The following ADAMTSL1 variants were observed in gnomAD, a reference collection of about 807,000 sequenced individuals.
The protein encoded by ADAMTSL1 is ADAMTS-like protein 1.
ADAMTSL1 carries 126 observed loss-of-function variants against 201.8 expected under a neutral mutation model. That is an observed-to-expected ratio of 0.62 (90% CI 0.54 to 0.72). The LOEUF (loss-of-function observed/expected upper bound fraction) is 0.72, where lower values mean the gene tolerates loss of function less well. Among genes scored for constraint, ADAMTSL1 ranks in the 30% least tolerant of loss-of-function variants. The pLI is 0.00. For missense variants in ADAMTSL1, 2,679 were observed against 2,277.8 expected (o/e 1.18, Z -3.59); for synonymous variants, 1,121 against 903.4 (o/e 1.24, Z -4.32).
chr9:18,847,644 A>T (rs1826214099), intron 23 of ADAMTSL1, among the ~76,000 whole-genome samples: 1 of 146,962 alleles, frequency 6.8e-6, no homozygotes, highest in Admixed American at 6.9e-5. Flanking sequence ...TTGAGCCTTC[A>T]CATGTCTGGA....
In ADAMTSL1 at chr9:18,533,239, C is replaced by T; in HGVS notation, c.192-8C>T. ...TAGTAATATTTCTTTTTTCTTTTTGCAACTTAGGAGCTGTGAAGGAAGAAA... is the reference window on the plus strand; with the variant it reads ...TAGTAATATTTCTTTTTTCTTTTTGTAACTTAGGAGCTGTGAAGGAAGAAA... On this transcript the variant is annotated splice_polypyrimidine_tract_variant and splice_region_variant and intron_variant, in intron 2 of 28. Transcript: ENST00000380548. 1 of 1,598,288 alleles carries T rather than the reference C, an allele frequency of 6.3e-7. No individual in the cohort carries two copies. Among genetic ancestry groups the T allele is most frequent in the Non-Finnish European group, 8.5e-7 (1 of 1,173,188 alleles).
chr9:18,489,136 T>A (rs983374164), intron 1 of ADAMTSL1, among the ~76,000 whole-genome samples: 3 of 152,296 alleles, frequency 2.0e-5, no homozygotes, highest in South Asian at 2.1e-4. Context: ...CCAGGTAATT[T>A]GAATGTATAG....
rs186284504 is a variant in ADAMTSL1 at position 18,244,586 on chromosome 9, C to T, written c.207+80605C>T. Among the ~76,000 whole-genome samples the T allele has an allele frequency of 1.8e-4, 27 of 152,220 alleles. No homozygotes were observed. In the East Asian group the frequency reaches 5.0e-3, roughly 28 times the overall value. On this transcript the variant is annotated intron_variant, in intron 2 of 29. Coordinates refer to the ADAMTSL1 transcript ENST00000680146. ...AAATATATGATCCCTCACTCTTCCC[C>T]TTCACCCTTCAAGCATGAACTCATT... is the stretch of plus-strand genomic sequence containing the variant.
chr9:17,966,146 G>A (rs189910511), intron 1 of ADAMTSL1, among the ~76,000 whole-genome samples: 223 of 152,230 alleles, frequency 1.5e-3, no homozygotes, highest in Non-Finnish European at 2.4e-3. Context: ...ATTAAGAGAG[G>A]TCTGGGAAAC....
chr9:18,574,579 A>AAGT (rs1365836270), intron 4 of ADAMTSL1: 4 of 469,274 alleles, frequency 8.5e-6, no homozygotes, highest in Admixed American at 4.3e-5. Context: ...GCTATTCCTG[A>AAGT]AGTGTGTGTT....
chr9:18,854,044 C>T (rs1009916744), intron 23 of ADAMTSL1, among the ~76,000 whole-genome samples: 3 of 152,148 alleles, frequency 2.0e-5, no homozygotes, highest in Admixed American at 6.6e-5. Flanking sequence ...GTGCCACATC[C>T]TGCTATGTTT....
chr9:18,444,823 A>G (rs1479147514), intron 2 of ADAMTSL1, among the ~76,000 whole-genome samples: 1 of 152,140 alleles, frequency 6.6e-6, no homozygotes, highest in Non-Finnish European at 1.5e-5. Context: ...CTATTTATTA[A>G]AAGACATATG....
At chr9:18,833,189 C>G (rs1253736453) in intron 23 of ADAMTSL1, among the ~76,000 whole-genome samples, 1 of 152,208 alleles carries the variant, frequency 6.6e-6, no homozygotes, top group Non-Finnish European at 1.5e-5. Context: ...GTGCTTGTTG[C>G]TCTCATACTC....
chr9:18,133,175 A>G (rs1798511304), intron 1 of ADAMTSL1, among the ~76,000 whole-genome samples: 1 of 152,160 alleles, frequency 6.6e-6, no homozygotes, highest in African/African-American at 2.4e-5. Flanking sequence ...TCAGACTCTC[A>G]GGATTAAGGA....
At chr9:18,199,939 A>G (rs1271614551) in intron 2 of ADAMTSL1, among the ~76,000 whole-genome samples, 1 of 152,060 alleles carries the variant, frequency 6.6e-6, no homozygotes, top group Non-Finnish European at 1.5e-5. Flanking sequence ...CATTAGTCTT[A>G]TATAAATATA....
intron 13 of ADAMTSL1, among the ~76,000 whole-genome samples, chr9:18,699,259 GT>G (rs1564160974): frequency 6.7e-6 from 1 of 149,976 alleles, no homozygotes; most frequent in Non-Finnish European, 1.5e-5. Flanking sequence ...GAAAAAGTCT[GT>G]TTGTTACTTG....
intron 2 of ADAMTSL1, among the ~76,000 whole-genome samples, chr9:18,303,032 C>G (rs542304855): frequency 2.0e-5 from 3 of 152,172 alleles, no homozygotes; most frequent in African/African-American, 4.8e-5. Context: ...GAAACTCACG[C>G]TTTTTTCTTT....
At chr9:18,082,150 T>C (rs897295042) in intron 1 of ADAMTSL1, among the ~76,000 whole-genome samples, 4 of 152,232 alleles carry the variant, frequency 2.6e-5, no homozygotes, top group African/African-American at 9.6e-5. Flanking sequence ...ATTCACATTT[T>C]TTTGGACAGC....
chr9:18,355,346 A>C (rs1033602705), intron 2 of ADAMTSL1, among the ~76,000 whole-genome samples: 2 of 152,194 alleles, frequency 1.3e-5, no homozygotes, highest in African/African-American at 4.8e-5. Context: ...AGTAGGCTAC[A>C]TGTAGCCTTA....
intron 1 of ADAMTSL1, among the ~76,000 whole-genome samples, chr9:18,024,508 C>G (rs1003251357): frequency 5.9e-5 from 9 of 152,068 alleles, no homozygotes; most frequent in Admixed American, 5.9e-4. Flanking sequence ...TAAGTGAGAA[C>G]ATGTGGTGTT....
intron 23 of ADAMTSL1, among the ~76,000 whole-genome samples, chr9:18,886,314 A>C (rs1828893320): frequency 6.6e-6 from 1 of 150,942 alleles, no homozygotes; most frequent in African/African-American, 2.4e-5. Flanking sequence ...GCTACTTGGG[A>C]GTTGGAGGTT....
At chr9:18,713,053 A>G (rs1255816287) in intron 14 of ADAMTSL1, among the ~76,000 whole-genome samples, 2 of 151,888 alleles carry the variant, frequency 1.3e-5, no homozygotes, top group Non-Finnish European at 2.9e-5. Context: ...AAATGCTGAG[A>G]GATTTTGTCA....
intron 1 of ADAMTSL1, among the ~76,000 whole-genome samples, chr9:18,031,450 G>C (rs762093097): frequency 6.6e-6 from 1 of 152,102 alleles, no homozygotes; most frequent in Non-Finnish European, 1.5e-5. Context: ...ATTGCTTCCT[G>C]CATTGGGTTT....
chr9:18,668,530 G>T (rs992205741), intron 9 of ADAMTSL1, among the ~76,000 whole-genome samples: 2 of 152,062 alleles, frequency 1.3e-5, no homozygotes, highest in African/African-American at 2.4e-5. Flanking sequence ...AATAGAGTAG[G>T]TATTATTTCC....
Sources: gnomAD v4.1 joint callset for allele counts (sites outside exome capture counted in the v4.1 genomes callset) on GRCh38, gnomAD v4.1.1 for gene constraint, MANE v1.5 for transcripts, NCBI Gene and HGNC (gene_info 2026-07-23, HGNC 2026-07-21) for gene names.